Variants in FTO observed in about 807,000 individuals in gnomAD.
FTO encodes FTO alpha-ketoglutarate dependent dioxygenase.
In FTO, 47 loss-of-function variants were observed where a neutral mutation model predicts 63.9. The observed-to-expected ratio is 0.74, with a 90% CI of 0.58 to 0.94. FTO has a LOEUF of 0.94. Among genes scored for constraint, FTO ranks in the 40% least tolerant of loss-of-function variants. The pLI is 0.00. For missense variants in FTO, 562 were observed against 618.1 expected (o/e 0.91, Z 0.96); for synonymous variants, 207 against 224.4 (o/e 0.92, Z 0.69).
intron 1 of FTO, among the ~76,000 whole-genome samples, chr16:53,731,209 A>G (rs1422793414): frequency 6.6e-6 from 1 of 152,204 alleles, no homozygotes; most frequent in Non-Finnish European, 1.5e-5. Flanking sequence ...AAGAGAAGAA[A>G]GAGATAGAAG....
At chr16:53,882,856 A>G (rs1432957346) in intron 6 of FTO, among the ~76,000 whole-genome samples, 5 of 152,190 alleles carry the variant, frequency 3.3e-5, no homozygotes, top group Non-Finnish European at 7.3e-5. Context: ...TTTGTGAAAC[A>G]TTGTCATAAT....
At chr16:53,732,073 G>C (rs1385529330) in intron 1 of FTO, among the ~76,000 whole-genome samples, 1 of 133,190 alleles carries the variant, frequency 7.5e-6, no homozygotes, top group Non-Finnish European at 1.5e-5. Flanking sequence ...TTTTGAGACG[G>C]AGTCTCGCTC....
chr16:54,103,033 G>A (rs749363920), intron 8 of FTO, among the ~76,000 whole-genome samples: 11 of 152,068 alleles, frequency 7.2e-5, no homozygotes, highest in Non-Finnish European at 1.6e-4. Context: ...ATGCCTGCCT[G>A]TACTCCCACC....
rs1173270081 is a variant in FTO at position 53,760,205 on chromosome 16, GGTGTGTGT to G, written c.46-49886_46-49879del. Among the ~76,000 whole-genome samples, 845 of 125,548 alleles carry G rather than the reference GGTGTGTGT, an allele frequency of 6.7e-3. 8 individuals are homozygous for G. Among genetic ancestry groups the G allele is most frequent in the East Asian group, 0.04 (166 of 4,184 alleles). The allele number at this position is 125,548 out of a possible 152,430, so 82.4% of individuals were successfully genotyped here. On this transcript the variant is annotated intron_variant, in intron 1 of 8. Coordinates refer to ENST00000471389, the MANE Select transcript of FTO (RefSeq NM_001080432.3). Reference sequence around the variant, plus strand: ...TGTCTACCAGTTAGTCTTCAGCTTTGGTGTGTGTGTGTGTGTGTGTGTGTGTGTGTGTG... The same window carrying G: ...TGTCTACCAGTTAGTCTTCAGCTTTGGTGTGTGTGTGTGTGTGTGTGTGTG...
Position 54,091,773 on chromosome 16 carries a change from A to G in FTO, c.1365-19989A>G, listed in dbSNP as rs115993631. The stretch of plus-strand genomic sequence containing the variant: ...CTGGAACCAGACTGCCTGGGTTCAC[A>G]TCTTGGCTACCTCACTCACAATCTT... On this transcript the variant is annotated intron_variant, in intron 8 of 8. Transcript: ENST00000471389. 5.8e-3 allele frequency among the ~76,000 whole-genome samples: 879 copies of G among 152,288 alleles called. 11 individuals carry two copies. Among genetic ancestry groups the G allele is most frequent in the African/African-American group, 0.02 (839 of 41,554 alleles).
chr16:53,866,063 A>C (rs1020864029), intron 4 of FTO, among the ~76,000 whole-genome samples: 2 of 152,170 alleles, frequency 1.3e-5, no homozygotes, highest in Admixed American at 1.3e-4. Context: ...ATGTTGAGGA[A>C]GTTCTTCTCT....
chr16:54,087,157 A>G (rs1232160599), intron 8 of FTO, among the ~76,000 whole-genome samples: 2 of 152,228 alleles, frequency 1.3e-5, no homozygotes, highest in African/African-American at 4.8e-5. Flanking sequence ...AATAGTGGAC[A>G]AGAAAAGTTG....
At chr16:53,875,584 G>T (rs1402499255) in intron 5 of FTO, among the ~76,000 whole-genome samples, 1 of 152,206 alleles carries the variant, frequency 6.6e-6, no homozygotes, top group Non-Finnish European at 1.5e-5. Flanking sequence ...AAAGTTCACT[G>T]TGTGGAAGGT....
chr16:54,101,313 CTT>C (rs1567572345), intron 8 of FTO, among the ~76,000 whole-genome samples: 1 of 152,146 alleles, frequency 6.6e-6, no homozygotes, highest in East Asian at 1.9e-4. Context: ...TCCAGTGTCT[CTT>C]GTTTCCTTCT....
intron 8 of FTO, among the ~76,000 whole-genome samples, chr16:54,006,942 G>A (rs1373050902): frequency 1.3e-5 from 2 of 152,160 alleles, no homozygotes; most frequent in African/African-American, 2.4e-5. Context: ...GGTCAACATC[G>A]GGCTTGCTTT....
At chr16:53,938,948 A>T (rs939598081) in intron 8 of FTO, among the ~76,000 whole-genome samples, 2 of 150,788 alleles carry the variant, frequency 1.3e-5, no homozygotes, top group South Asian at 2.1e-4. Context: ...AAAAAAAAAA[A>T]TTAGCCGGGC....
intron 7 of FTO, among the ~76,000 whole-genome samples, chr16:53,931,904 ACACG>A (rs1158820426): frequency 6.6e-6 from 1 of 151,274 alleles, no homozygotes; most frequent in African/African-American, 2.4e-5. Flanking sequence ...ACACACACAC[ACACG>A]CACATACCAG....
intron 7 of FTO, among the ~76,000 whole-genome samples, chr16:53,914,516 C>T (rs1023234249): frequency 6.6e-6 from 1 of 152,058 alleles, no homozygotes; most frequent in Admixed American, 6.5e-5. Flanking sequence ...CCTGTCAAGT[C>T]CCTATAAGAT....
intron 1 of FTO, among the ~76,000 whole-genome samples, chr16:53,807,914 A>C (rs1223900870): frequency 1.3e-5 from 2 of 152,236 alleles, no homozygotes; most frequent in African/African-American, 4.8e-5. Flanking sequence ...TTAATACTGA[A>C]AAATAGATAA....
intron 8 of FTO, among the ~76,000 whole-genome samples, chr16:53,979,707 G>A (rs2083501207): frequency 6.6e-6 from 1 of 152,106 alleles, no homozygotes; most frequent in Non-Finnish European, 1.5e-5. Flanking sequence ...AACTTTGGGG[G>A]CAAAATCCCA....
chr16:53,773,013 T>G (rs1305095495), intron 1 of FTO, among the ~76,000 whole-genome samples: 1 of 152,118 alleles, frequency 6.6e-6, no homozygotes, highest in Non-Finnish European at 1.5e-5. Flanking sequence ...TTGAAGGAAC[T>G]TTCTGTCAGA....
At chr16:54,051,434 A>G (rs1010962834) in intron 8 of FTO, among the ~76,000 whole-genome samples, 4 of 152,250 alleles carry the variant, frequency 2.6e-5, no homozygotes, top group Non-Finnish European at 5.9e-5. Context: ...TGAGACTGTG[A>G]TTCTGGGAGG....
At chr16:54,093,009 C>T (rs2086428368) in intron 8 of FTO, among the ~76,000 whole-genome samples, 1 of 152,200 alleles carries the variant, frequency 6.6e-6, no homozygotes, top group Non-Finnish European at 1.5e-5. Flanking sequence ...ACCTTTCCCT[C>T]CTTTCCCCAT....
At chr16:53,730,691 T>G (rs2076252670) in intron 1 of FTO, among the ~76,000 whole-genome samples, 1 of 152,106 alleles carries the variant, frequency 6.6e-6, no homozygotes, top group Admixed American at 6.5e-5. Context: ...AGACTTGGTT[T>G]CGCTATTATT....
Sources: allele counts gnomAD v4.1 joint callset (sites outside exome capture counted in the v4.1 genomes callset), GRCh38; gene constraint gnomAD v4.1.1; transcripts MANE v1.5; gene names NCBI Gene and HGNC (gene_info 2026-07-23, HGNC 2026-07-21).